Variants in MRC2 observed in about 807,000 individuals in gnomAD.
The protein encoded by MRC2 is C-type mannose receptor 2.
MRC2 carries 84 observed loss-of-function variants against 206.2 expected under a neutral mutation model. The observed-to-expected ratio is 0.41, with a 90% CI of 0.34 to 0.49. The LOEUF is 0.49. MRC2 is among the 20% of genes least tolerant of loss of function. The pLI, the probability that MRC2 is intolerant of heterozygous loss-of-function variation, is 0.31. For missense variants in MRC2, 1,676 were observed against 2,001.5 expected, an observed-to-expected ratio of 0.84 and a Z score of 3.10; for synonymous variants, 798 against 800.0, an observed-to-expected ratio of 1.00 and a Z score of 0.04.
chr17:62,677,505 C>A lies in MRC2; in HGVS notation c.2052+19C>A. 1 of 1,576,040 alleles carries A rather than the reference C, an allele frequency of 6.3e-7. No homozygotes were observed. The highest frequency in any genetic ancestry group is 8.7e-7 in the Non-Finnish European group (1 of 1,155,030). ...CTATAAGGTAGGGCAGCCTGTTGGC[C>A]GGGTAGGGGGCAGGGGGAGGACAGG... On this transcript the variant is annotated intron_variant, in intron 12 of 29. Transcript: ENST00000303375.
intron 1 of MRC2, chr17:62,661,746 G>A (rs2088684299): frequency 6.6e-6 from 1 of 151,846 alleles, no homozygotes; most frequent in Admixed American, 6.6e-5. Context: ...TTAATATTGT[G>A]GACTTAACTA....
chr17:62,677,176 T>A, intron 11 of MRC2, 93 bp from the exon 12 acceptor site: 1 of 1,080,000 alleles, frequency 9.3e-7, no homozygotes, highest in Non-Finnish European at 1.3e-6. Flanking sequence ...TGGTTCCCAG[T>A]GTGAGGGCCG....
Position 62,655,368 on chromosome 17 carries a change from C to T in MRC2, c.119-9180C>T, listed in dbSNP as rs146352972. On this transcript the variant is annotated intron_variant, in intron 1 of 29. Coordinates refer to ENST00000303375, the MANE Select transcript of MRC2 (RefSeq NM_006039.5). ...CATCCTGGCTAACATGGTGAAACCC[C>T]GTTTCTACTAAAAATACAAAAAAAT... Among the ~76,000 whole-genome samples, 1,294 of 132,154 alleles carry T rather than the reference C, an allele frequency of 9.8e-3. 26 individuals carry two copies. Among genetic ancestry groups the T allele is most frequent in the African/African-American group, 0.035 (1,224 of 35,254 alleles). The allele number at this position is 132,154 out of a possible 152,430, so 86.7% of individuals were successfully genotyped here. A position where few individuals can be genotyped will look rare whatever the true frequency, so the allele number is the denominator to read the frequency against.
At chr17:62,647,203 A>G (rs1325216444) in intron 1 of MRC2, among the ~76,000 whole-genome samples, 15 of 89,336 alleles carry the variant, frequency 1.7e-4, no homozygotes, top group African/African-American at 6.3e-4. Context: ...TTTTTTTTTG[A>G]GACAGAGTCT....
chr17:62,664,613 G>A lies in MRC2; in HGVS notation c.184G>A (p.Val62Ile). 1 of 1,613,530 alleles carries A rather than the reference G, an allele frequency of 6.2e-7. No homozygotes were observed. Among genetic ancestry groups the A allele is most frequent in the Non-Finnish European group, 8.5e-7 (1 of 1,180,030 alleles). The change falls in exon 2 of 30, where the codon GTC becomes ATC. Residue 62 changes from valine to isoleucine, a missense_variant. Val to Ile is a conservative substitution (Grantham distance 29). Around this residue, in one of 3 missense-constraint regions of MRC2, gnomAD observed 318 missense variants for 346.7 expected, o/e 0.92. Coordinates refer to ENST00000303375, the MANE Select transcript of MRC2 (RefSeq NM_006039.5). This position sits in a 1 kb window ranked among gnomAD's most constrained non-coding sequence, Gnocchi z 4.7. ...QGCLEAQGGQVRVTPACNTSL... is the reference protein window; with the variant it reads ...QGCLEAQGGQIRVTPACNTSL... ...CTGCCTGGAGGCCCAGGGCGGGCAG[G>A]TCAGAGTCACCCCGGCTTGCAATAC...
chr17:62,661,573 C>CTTCA (rs958090422), intron 1 of MRC2: 4 of 92,552 alleles, frequency 4.3e-5, no homozygotes, highest in Non-Finnish European at 8.4e-5. Flanking sequence ...TCCTTCCTTC[C>CTTCA]TTCATTCCTT....
chr17:62,692,225 T>A lies in MRC2; in HGVS notation c.4220-6T>A. On this transcript the variant is annotated splice_region_variant and splice_polypyrimidine_tract_variant and intron_variant, in intron 29 of 29. Coordinates refer to ENST00000303375, the MANE Select transcript of MRC2 (RefSeq NM_006039.5). The surrounding 1 kb of genome is among the most constrained non-coding windows in gnomAD (Gnocchi z 4.2). Reference sequence around the variant, plus strand: ...CTTGGCCTTTCACGCCCACTCGCCTTGGCAGCGCTTCCAGAGAACCCAGCG... The same window carrying A: ...CTTGGCCTTTCACGCCCACTCGCCTAGGCAGCGCTTCCAGAGAACCCAGCG... 6.2e-7 allele frequency: 1 copy of A among 1,612,282 alleles called. No homozygotes were observed. Among genetic ancestry groups the A allele is most frequent in the South Asian group, 1.1e-5 (1 of 90,864 alleles).
chr17:62,642,776 G>A (rs2088422868), intron 1 of MRC2, among the ~76,000 whole-genome samples: 1 of 152,024 alleles, frequency 6.6e-6, no homozygotes, highest in Non-Finnish European at 1.5e-5. Flanking sequence ...ATAACCTAAG[G>A]AATTTGAACC....
intron 6 of MRC2, among the ~76,000 whole-genome samples, chr17:62,670,201 C>G (rs2088810710): frequency 6.6e-6 from 1 of 152,250 alleles, no homozygotes; most frequent in South Asian, 2.1e-4. Context: ...CCGGTCTCAT[C>G]ACTTAAGTCC....
chr17:62,667,306 A>AG lies in MRC2; in HGVS notation c.974-82dup. The AG allele has an allele frequency of 6.8e-7, 1 of 1,479,296 alleles. No individual in the cohort carries two copies. Among genetic ancestry groups the AG allele is most frequent in the South Asian group, 1.4e-5 (1 of 71,542 alleles). 91.6% of individuals were successfully genotyped at this position (1,479,296 alleles called of 1,614,324 possible). A position where few individuals can be genotyped will look rare whatever the true frequency, so the allele number is the denominator to read the frequency against. On this transcript the variant is annotated intron_variant, in intron 5 of 29. Coordinates refer to ENST00000303375, the MANE Select transcript of MRC2 (RefSeq NM_006039.5). This position sits in a 1 kb window ranked among gnomAD's most constrained non-coding sequence, Gnocchi z 4.1. ...CTCAGGCTTCCGAGGGAGCAGAGGG[A>AG]GGTAGGAGGTTCTGAGCAGGGCCCC...
intron 1 of MRC2, among the ~76,000 whole-genome samples, chr17:62,658,977 G>A (rs1208245885): frequency 6.6e-6 from 1 of 152,210 alleles, no homozygotes; most frequent in Non-Finnish European, 1.5e-5. Context: ...ACCGTTAACA[G>A]ATGGCTTGTA....
Position 62,632,645 on chromosome 17 carries a change from T to C in MRC2, c.118+4725T>C, listed in dbSNP as rs78426919. Among the ~76,000 whole-genome samples, 454 of 152,256 alleles carry C rather than the reference T, an allele frequency of 3.0e-3. 4 individuals carry two copies. Among genetic ancestry groups the C allele is most frequent in the African/African-American group, 0.01 (425 of 41,556 alleles). ...CTTCTTTCCCACCTTCCAGTGACCCTTCCTTCGAGACTCAAGGATCCTGGG... is the reference window on the plus strand; with the variant it reads ...CTTCTTTCCCACCTTCCAGTGACCCCTCCTTCGAGACTCAAGGATCCTGGG... On this transcript the variant is annotated intron_variant, in intron 1 of 29. Coordinates refer to ENST00000303375, the MANE Select transcript of MRC2 (RefSeq NM_006039.5).
Position 62,680,522 on chromosome 17 carries a change from G to T in MRC2, c.2473+69G>T. On this transcript the variant is annotated intron_variant, in intron 16 of 29. Coordinates refer to ENST00000303375, the MANE Select transcript of MRC2 (RefSeq NM_006039.5). The surrounding 1 kb of genome is among the most constrained non-coding windows in gnomAD (Gnocchi z 4.8). ...GGGCGTCAACTCTGGGGTAAGTCCC[G>T]AGAGGCCTGAATGAAATGGAGGGGA... 3.8e-6 allele frequency: 6 copies of T among 1,587,670 alleles called. No homozygotes were observed. The highest frequency in any genetic ancestry group is 5.2e-6 in the Non-Finnish European group (6 of 1,158,854).
chr17:62,642,837 A>C (rs560225168), intron 1 of MRC2, among the ~76,000 whole-genome samples: 1 of 152,158 alleles, frequency 6.6e-6, no homozygotes, highest in Non-Finnish European at 1.5e-5. Flanking sequence ...CATAATAGCC[A>C]AAAACTAAAA....
At position 62,627,869 on chromosome 17, in the gene MRC2, G is replaced by T; in HGVS notation, c.67G>T (p.Gly23Trp). The change falls in exon 1 of 30, where the codon GGG becomes TGG. Residue 23 changes from glycine (G) to tryptophan (W), a missense_variant. By Grantham distance (184) the Gly-to-Trp change is radical. This residue lies in a region of MRC2 where 318 missense variants were observed against 346.7 expected (regional missense o/e 0.92). Transcript: ENST00000303375. ...RHLLRCVLLL[G>W]CLHLGRPGAP... is the part of the protein sequence containing the mutation. Reference sequence around the variant, plus strand: ...CCTGCTGCGCTGCGTCCTGCTCCTCGGGTGCCTGCACCTCGGCCGTCCCGG... The same window carrying T: ...CCTGCTGCGCTGCGTCCTGCTCCTCTGGTGCCTGCACCTCGGCCGTCCCGG... 1 of 1,476,922 alleles carries T rather than the reference G, an allele frequency of 6.8e-7. No individual in the cohort carries two copies. Among genetic ancestry groups the T allele is most frequent in the Non-Finnish European group, 8.9e-7 (1 of 1,121,156 alleles). The allele number at this position is 1,476,922 out of a possible 1,614,324, so 91.5% of individuals were successfully genotyped here.
At position 62,680,752 on chromosome 17, in the gene MRC2, T is replaced by G; in HGVS notation, c.2474-48T>G. On this transcript the variant is annotated intron_variant, in intron 16 of 29. Coordinates refer to ENST00000303375, the MANE Select transcript of MRC2 (RefSeq NM_006039.5). This position sits in a 1 kb window ranked among gnomAD's most constrained non-coding sequence, Gnocchi z 4.8. ...CCGCGCCCGCCTCCGGGGCCTGGCG[T>G]GCAGCCTCTGCCTGGCCGCCGCTCC... 1 of 1,485,764 alleles carries G rather than the reference T, an allele frequency of 6.7e-7. No homozygotes were observed. Among genetic ancestry groups the G allele is most frequent in the Non-Finnish European group, 8.9e-7 (1 of 1,121,232 alleles). The allele number at this position is 1,485,764 out of a possible 1,614,324, so 92.0% of individuals were successfully genotyped here. A position where few individuals can be genotyped will look rare whatever the true frequency, so the allele number is the denominator to read the frequency against.
At chr17:62,647,050 G>A (rs545127546) in intron 1 of MRC2, among the ~76,000 whole-genome samples, 142 of 151,784 alleles carry the variant, frequency 9.4e-4, no homozygotes, top group Non-Finnish European at 1.7e-3. Flanking sequence ...CCCACACACC[G>A]GCATTGCAAA....
At position 62,672,131 on chromosome 17, in the gene MRC2, CTG is replaced by C; in HGVS notation, c.1444_1445del (p.Val482HisfsTer15). The C allele has an allele frequency of 6.2e-7, 1 of 1,614,134 alleles. No individual in the cohort carries two copies. The highest frequency in any genetic ancestry group is 8.5e-7 in the Non-Finnish European group (1 of 1,180,034). Reference sequence around the variant, plus strand: ...ACAACTTCCGGGACAGTCTGGAGGACTGTGTCACCATCTGGGGCCCGGTGAGA... The same window carrying C: ...ACAACTTCCGGGACAGTCTGGAGGACTGTCACCATCTGGGGCCCGGTGAGA... ...PNNFRDSLED[C>X]VTIWGPEGRW... On this transcript the variant is annotated frameshift_variant, in exon 8 of 30. Coordinates refer to ENST00000303375, the MANE Select transcript of MRC2 (RefSeq NM_006039.5). LOFTEE classifies it high-confidence loss of function. The surrounding 1 kb of genome is among the most constrained non-coding windows in gnomAD (Gnocchi z 4.5).
At position 62,691,266 on chromosome 17, in the gene MRC2, G is replaced by T. The variant is rs1599000750; in HGVS notation, c.4192+138G>T. 8 of 978,078 alleles carry T rather than the reference G, an allele frequency of 8.2e-6. No individual in the cohort carries two copies. In the East Asian group the frequency reaches 2.4e-4, roughly 29 times the overall value. The allele number at this position is 978,078 out of a possible 1,614,324, so 60.6% of individuals were successfully genotyped here. ...GAACAGAACGGACTGCGGGCAGCTG[G>T]GACCCCCGGGATAAATTAGTCAGTG... On this transcript the variant is annotated intron_variant, in intron 28 of 29. Coordinates refer to ENST00000303375, the MANE Select transcript of MRC2 (RefSeq NM_006039.5).
Sources: gnomAD v4.1 joint callset for allele counts (sites outside exome capture counted in the v4.1 genomes callset) on GRCh38, gnomAD v4.1.1 for gene constraint, gnomAD v4.1.1 regional missense constraint, Gnocchi (gnomAD v3.1) non-coding constraint, MANE v1.5 for transcripts, NCBI Gene and HGNC (gene_info 2026-07-23, HGNC 2026-07-21) for gene names.